The following F2 variants were observed in gnomAD, a reference collection of about 807,000 sequenced individuals.
The protein encoded by F2 is coagulation factor II, thrombin, also known as prothrombin.
F2 carries 34 observed loss-of-function variants against 81.9 expected under a neutral mutation model. That is an observed-to-expected ratio of 0.42 (90% CI 0.32 to 0.55). The LOEUF (loss-of-function observed/expected upper bound fraction) is 0.55. Among genes scored for constraint, F2 ranks in the 20% least tolerant of loss-of-function variants. F2 has a pLI of 0.18. For synonymous variants in F2, 296 were observed against 326.4 expected, an observed-to-expected ratio of 0.91 and a Z score of 1.01; for missense variants, 630 against 833.4, an observed-to-expected ratio of 0.76 and a Z score of 3.00.
intron 12 of F2, among the ~76,000 whole-genome samples, chr11:46,731,230 T>G (rs933613628): frequency 1.2e-4 from 18 of 144,240 alleles, no homozygotes; most frequent in Non-Finnish European, 1.8e-4. Flanking sequence ...ACCAGGAAAT[T>G]TTTTTTTTTT....
At chr11:46,725,071 T>TTTG (rs2064863306) in intron 6 of F2, among the ~76,000 whole-genome samples, 1 of 109,720 alleles carries the variant, frequency 9.1e-6, no homozygotes, top group South Asian at 2.9e-4. Flanking sequence ...CGCCCGGCCT[T>TTTG]TTTTTTTTTT....
At position 46,723,233 on chromosome 11, in the gene F2, C is replaced by T. The variant is rs766900043; in HGVS notation, c.370C>T (p.Arg124Trp). The change falls in exon 5 of 14, where the codon CGG becomes TGG. Residue 124 changes from arginine (R) to tryptophan (W), a missense_variant. By Grantham distance (101) the Arg-to-Trp change is moderately radical. Transcript: ENST00000311907. This position sits in a 1 kb window ranked among gnomAD's most constrained non-coding sequence, Gnocchi z 5.6. Reference sequence around the variant, plus strand: ...CTACCGAGGGCATGTGAACATCACCCGGTCAGGCATTGAGTGCCAGCTATG... The same window carrying T: ...CTACCGAGGGCATGTGAACATCACCTGGTCAGGCATTGAGTGCCAGCTATG... ...TNYRGHVNIT[R>W]SGIECQLWRS... 1.5e-5 allele frequency: 24 copies of T among 1,613,908 alleles called. No homozygotes were observed. The highest frequency in any genetic ancestry group is 3.3e-4 in the Middle Eastern group (2 of 6,084).
chr11:46,738,416 G>C (rs1565709264), intron 12 of F2, among the ~76,000 whole-genome samples: 1 of 152,074 alleles, frequency 6.6e-6, no homozygotes, highest in Non-Finnish European at 1.5e-5. Context: ...CATCAGACTT[G>C]TAGGTCTAAC....
intron 9 of F2, 151 bp from the exon 10 acceptor site, chr11:46,727,845 G>A: frequency 1.4e-6 from 1 of 726,454 alleles, no homozygotes; most frequent in Non-Finnish European, 2.2e-6. Flanking sequence ...GAGGCTCCAG[G>A]CCCCAAAGGC....
At chr11:46,734,268 T>G (rs1032642276) in intron 12 of F2, among the ~76,000 whole-genome samples, 1 of 152,126 alleles carries the variant, frequency 6.6e-6, no homozygotes, top group African/African-American at 2.4e-5. Context: ...ATTTGTATTA[T>G]ATAATTTTTT....
At position 46,728,473 on chromosome 11, in the gene F2, G is replaced by A. The variant is rs1183062863; in HGVS notation, c.1299-191G>A. Among the ~76,000 whole-genome samples the A allele has an allele frequency of 6.6e-6, 1 of 152,176 alleles. No individual in the cohort carries two copies. Among genetic ancestry groups the A allele is most frequent in the Non-Finnish European group, 1.5e-5 (1 of 68,030 alleles). On this transcript the variant is annotated intron_variant, in intron 10 of 13. Transcript: ENST00000311907. This position sits in a 1 kb window ranked among gnomAD's most constrained non-coding sequence, Gnocchi z 5.1. ...CCTGTCCCCGTCCTCCAGGCTGTCT[G>A]ACTCCAAAGCCCTGCACGGCTTTAG...
At chr11:46,720,307 T>C in intron 2 of F2, 6 of 616,312 alleles carry the variant, frequency 9.7e-6, no homozygotes, top group Non-Finnish European at 1.7e-5. Flanking sequence ...TCCCCCAGCC[T>C]CTTTCAGTCT....
intron 2 of F2, 137 bp from the exon 3 acceptor site, chr11:46,720,386 A>C: frequency 1.1e-6 from 1 of 929,428 alleles, no homozygotes; most frequent in Non-Finnish European, 1.7e-6. Context: ...AAAGTAGGAA[A>C]CTCTGCCACA....
chr11:46,723,374 T>A lies in F2; in HGVS notation c.423-8T>A. 2 of 1,613,454 alleles carry A rather than the reference T, an allele frequency of 1.2e-6. No individual in the cohort carries two copies. Among genetic ancestry groups the A allele is most frequent in the Non-Finnish European group, 1.7e-6 (2 of 1,179,488 alleles). ...AACAGCCTCCTGTTGGGCAATTTCCTGTTCCAGAATCAACTCCACTACCCA... is the reference window on the plus strand; with the variant it reads ...AACAGCCTCCTGTTGGGCAATTTCCAGTTCCAGAATCAACTCCACTACCCA... On this transcript the variant is annotated splice_region_variant and splice_polypyrimidine_tract_variant and intron_variant, in intron 5 of 13. Transcript: ENST00000311907. This position sits in a 1 kb window ranked among gnomAD's most constrained non-coding sequence, Gnocchi z 5.6.
intron 12 of F2, among the ~76,000 whole-genome samples, chr11:46,732,285 T>C (rs541711121): frequency 1.3e-5 from 2 of 152,326 alleles, no homozygotes; most frequent in South Asian, 2.1e-4. Flanking sequence ...ATGGCACTTA[T>C]CTAATTCTGT....
rs780523498 is a variant in F2 at position 46,728,644 on chromosome 11, C to A, written c.1299-20C>A. On this transcript the variant is annotated intron_variant, in intron 10 of 13. Coordinates refer to ENST00000311907, the MANE Select transcript of F2 (RefSeq NM_000506.5). The surrounding 1 kb of genome is among the most constrained non-coding windows in gnomAD (Gnocchi z 5.1). ...GGGTGAACCTGCAGCTTCTCCATTTCTTTCTTGGGGTCTCTGCAGGTACGA... is the reference window on the plus strand; with the variant it reads ...GGGTGAACCTGCAGCTTCTCCATTTATTTCTTGGGGTCTCTGCAGGTACGA... The A allele has an allele frequency of 6.2e-7, 1 of 1,613,550 alleles. No homozygotes were observed. Among genetic ancestry groups the A allele is most frequent in the Admixed American group, 1.7e-5 (1 of 60,022 alleles).
chr11:46,735,950 A>G lies in F2; in HGVS notation c.1655-3098A>G, dbSNP rs535508210. Among the ~76,000 whole-genome samples the G allele has an allele frequency of 1.7e-3, 262 of 151,482 alleles. 4 individuals are homozygous for G. Among genetic ancestry groups the G allele is most frequent in the Non-Finnish European group, 1.1e-3 (76 of 67,922 alleles). On this transcript the variant is annotated intron_variant, in intron 12 of 13. Coordinates refer to ENST00000311907, the MANE Select transcript of F2 (RefSeq NM_000506.5). ...CCAGGTGCGGTGGCTCACACCTGTA[A>G]TCCCAGCACTTTGGGAGGCCGAGGT...
At chr11:46,732,092 T>C (rs912403573) in intron 12 of F2, among the ~76,000 whole-genome samples, 5 of 151,558 alleles carry the variant, frequency 3.3e-5, no homozygotes, top group Non-Finnish European at 7.4e-5. Context: ...ATTTTTGTAT[T>C]TTTAGTAGAG....
rs747365409 is a variant in F2 at position 46,725,941 on chromosome 11, C to A, written c.642C>A (p.Val214=). 6.2e-7 allele frequency: 1 copy of A among 1,613,922 alleles called. No homozygotes were observed. The highest frequency in any genetic ancestry group is 1.7e-5 in the Admixed American group (1 of 60,020). The stretch of plus-strand genomic sequence containing the variant: ...TGTCACCTCCATTGGAGCAGTGTGT[C>A]CCTGATCGGGGGCAGCAGTACCAGG... ...VNLSPPLEQC[V]PDRGQQYQGR... Residue 214 remains valine, a synonymous_variant, in exon 7 of 14, where the codon GTC becomes GTA. Transcript: ENST00000311907.
At position 46,732,757 on chromosome 11, in the gene F2, G is replaced by T. The variant is rs919775496; in HGVS notation, c.1654+3196G>T. Among the ~76,000 whole-genome samples, 8 of 152,164 alleles carry T rather than the reference G, an allele frequency of 5.3e-5. No homozygotes were observed. The South Asian group carries it at 1.7e-3, about 32-fold the overall frequency. On this transcript the variant is annotated intron_variant, in intron 12 of 13. Transcript: ENST00000311907. ...GCTCAGATGATCCCAAGTTTGGCCT[G>T]TGGAAGTCCCTTCAAGCTGGCTTCT...
intron 13 of F2, 65 bp from the exon 14 acceptor site, chr11:46,739,200 T>C (rs1253269193): frequency 5.0e-6 from 8 of 1,613,636 alleles, no homozygotes; most frequent in Non-Finnish European, 8.5e-7. Context: ...AACAGTTGCC[T>C]GGCAGGGGAA....
chr11:46,732,678 C>T (rs1008933926), intron 12 of F2, among the ~76,000 whole-genome samples: 6 of 152,264 alleles, frequency 3.9e-5, no homozygotes, highest in South Asian at 2.1e-4. Flanking sequence ...GGATTATAGG[C>T]GTGAGCTCTA....
At position 46,719,960 on chromosome 11, in the gene F2, G is replaced by A. The variant is rs904439584; in HGVS notation, c.240+98G>A. On this transcript the variant is annotated intron_variant, in intron 2 of 13. Transcript: ENST00000311907. The surrounding 1 kb of genome is among the most constrained non-coding windows in gnomAD (Gnocchi z 4.7). ...AAGCGAGGAACGCCACAGCCCCTTC[G>A]CTGCTCACAGCCTCATTTCAACTCT... 1.0e-5 allele frequency: 15 copies of A among 1,455,646 alleles called. No homozygotes were observed. The Admixed American group carries it at 1.4e-4, about 13-fold the overall frequency. The allele number at this position is 1,455,646 out of a possible 1,614,324, so 90.2% of individuals were successfully genotyped here. A position where few individuals can be genotyped will look rare whatever the true frequency, so the allele number is the denominator to read the frequency against.
chr11:46,726,284 C>T lies in F2; in HGVS notation c.874+111C>T. ...CCTCATTGAGTGCGCTCATTACAGCCTTACAGTAACCAGGTGGGGGGTAAG... is the reference window on the plus strand; with the variant it reads ...CCTCATTGAGTGCGCTCATTACAGCTTTACAGTAACCAGGTGGGGGGTAAG... On this transcript the variant is annotated intron_variant, in intron 7 of 13. Coordinates refer to ENST00000311907, the MANE Select transcript of F2 (RefSeq NM_000506.5). This position sits in a 1 kb window ranked among gnomAD's most constrained non-coding sequence, Gnocchi z 5.9. 4 of 1,473,080 alleles carry T rather than the reference C, an allele frequency of 2.7e-6. No homozygotes were observed. Among genetic ancestry groups the T allele is most frequent in the South Asian group, 1.2e-5 (1 of 82,728 alleles). The allele number at this position is 1,473,080 out of a possible 1,614,324, so 91.3% of individuals were successfully genotyped here. A position where few individuals can be genotyped will look rare whatever the true frequency, so the allele number is the denominator to read the frequency against.
Sources: allele counts gnomAD v4.1 joint callset (sites outside exome capture counted in the v4.1 genomes callset), GRCh38; gene constraint gnomAD v4.1.1; non-coding constraint Gnocchi (gnomAD v3.1); transcripts MANE v1.5; gene names NCBI Gene and HGNC (gene_info 2026-07-23, HGNC 2026-07-21).